The following RALGAPA1 variants were observed in gnomAD, a reference collection of about 807,000 sequenced individuals.
RALGAPA1 encodes the protein ral GTPase-activating protein subunit alpha-1.
A neutral mutation model predicts 269.6 loss-of-function variants in RALGAPA1; 52 were observed. The observed-to-expected ratio is 0.19, with a 90% CI of 0.15 to 0.24. The LOEUF (loss-of-function observed/expected upper bound fraction) is 0.24, where lower values mean the gene tolerates loss of function less well. Among genes scored for constraint, RALGAPA1 ranks in the 10% least tolerant of loss-of-function variants. RALGAPA1 has a pLI of 1.00. For synonymous variants in RALGAPA1, 817 were observed against 1,008.3 expected, an observed-to-expected ratio of 0.81 and a Z score of 3.60; for missense variants, 1,917 against 3,013.9, an observed-to-expected ratio of 0.64 and a Z score of 8.52.
intron 35 of RALGAPA1, among the ~76,000 whole-genome samples, chr14:35,623,500 G>C (rs1356079162): frequency 1.3e-5 from 2 of 151,480 alleles, no homozygotes; most frequent in Admixed American, 6.6e-5. Flanking sequence ...ACTAGCAGAA[G>C]AGAAAAAAAA....
chr14:35,709,329 T>G (rs1171257723), intron 16 of RALGAPA1, among the ~76,000 whole-genome samples: 1 of 152,150 alleles, frequency 6.6e-6, no homozygotes, highest in African/African-American at 2.4e-5. Flanking sequence ...AAATATCTCA[T>G]GTACCCCATA....
At chr14:35,775,105 T>A in intron 2 of RALGAPA1, 50 bp from the exon 3 acceptor site, 2 of 1,023,494 alleles carry the variant, frequency 2.0e-6, no homozygotes, top group Non-Finnish European at 3.0e-6. Flanking sequence ...TTTGTCCTCA[T>A]AATGAACTTA....
intron 39 of RALGAPA1, among the ~76,000 whole-genome samples, chr14:35,560,415 C>T (rs2056098085): frequency 6.6e-6 from 1 of 152,144 alleles, no homozygotes; most frequent in African/African-American, 2.4e-5. Context: ...TCTTCCCTGA[C>T]CATATCTGTC....
chr14:35,571,094 T>C (rs973340926), intron 38 of RALGAPA1, among the ~76,000 whole-genome samples: 8 of 152,140 alleles, frequency 5.3e-5, no homozygotes, highest in Non-Finnish European at 8.8e-5. Flanking sequence ...AAAAGAAAAA[T>C]ATATACTTAT....
chr14:35,580,032 A>C (rs981917094), intron 37 of RALGAPA1, among the ~76,000 whole-genome samples: 3 of 152,244 alleles, frequency 2.0e-5, no homozygotes, highest in Non-Finnish European at 4.4e-5. Context: ...ACCAAGCAGC[A>C]CTACAAGGTT....
intron 3 of RALGAPA1, among the ~76,000 whole-genome samples, chr14:35,772,625 T>C (rs1343290030): frequency 6.6e-6 from 1 of 152,220 alleles, no homozygotes; most frequent in African/African-American, 2.4e-5. Flanking sequence ...AAATGAATGC[T>C]AATAAGGGCC....
At position 35,748,711 on chromosome 14, in the gene RALGAPA1, C is replaced by T. The variant is rs745636818; in HGVS notation, c.1125G>A (p.Glu375=). The T allele has an allele frequency of 2.5e-6, 4 of 1,613,330 alleles. No individual in the cohort carries two copies. Among genetic ancestry groups the T allele is most frequent in the Non-Finnish European group, 1.7e-6 (2 of 1,179,818 alleles). The change falls in exon 10 of 42, where the codon GAG becomes GAA. Residue 375 remains glutamate (E), a synonymous_variant. Transcript: ENST00000680220. ...AGAGACTAGATGAGCTAGGTTCTCG[C>T]TCCGTGAGAGTGCTTGTATTGGAAT... ...QSHSNTSTLT[E]REPSSSSLCS... is the part of the protein sequence containing the mutation.
chr14:35,591,299 T>C (rs1206743551), intron 37 of RALGAPA1, among the ~76,000 whole-genome samples: 1 of 150,132 alleles, frequency 6.7e-6, no homozygotes, highest in African/African-American at 2.4e-5. Context: ...TATGTATGTA[T>C]GTATGTATGT....
rs1594517211 is a variant in RALGAPA1 at position 35,548,877 on chromosome 14, G to A, written c.7621+233C>T. ...AAGATGCAAGAGTCATTGAATATTAGCTCATATAAAATGTGGTACATGTAC... is the reference window on the plus strand; with the variant it reads ...AAGATGCAAGAGTCATTGAATATTAACTCATATAAAATGTGGTACATGTAC... On this transcript the variant is annotated intron_variant, in intron 40 of 41. Coordinates refer to ENST00000680220, the MANE Select transcript of RALGAPA1 (RefSeq NM_001346249.2). Among the ~76,000 whole-genome samples, 4 of 152,190 alleles carry A rather than the reference G, an allele frequency of 2.6e-5. No individual in the cohort carries two copies. The South Asian group carries it at 8.3e-4, about 32-fold the overall frequency.
intron 26 of RALGAPA1, among the ~76,000 whole-genome samples, chr14:35,665,189 A>G (rs1168245548): frequency 6.6e-6 from 1 of 152,232 alleles, no homozygotes; most frequent in Non-Finnish European, 1.5e-5. Flanking sequence ...CATTAACTAT[A>G]TGAAAGAGGA....
chr14:35,649,655 G>A (rs2139979250), intron 31 of RALGAPA1, among the ~76,000 whole-genome samples: 1 of 152,140 alleles, frequency 6.6e-6, no homozygotes, highest in South Asian at 2.1e-4. Context: ...CTCTATTTAT[G>A]TCTCTATTTA....
chr14:35,631,029 A>G (rs1594893082), intron 33 of RALGAPA1, among the ~76,000 whole-genome samples: 1 of 152,194 alleles, frequency 6.6e-6, no homozygotes, highest in Admixed American at 6.5e-5. Context: ...TAAGAATGTA[A>G]GGAAAGTAAA....
intron 35 of RALGAPA1, among the ~76,000 whole-genome samples, chr14:35,614,689 T>C (rs545970683): frequency 6.6e-6 from 1 of 152,240 alleles, no homozygotes; most frequent in East Asian, 1.9e-4. Context: ...TTTAAATGAA[T>C]TAACTGTATT....
At chr14:35,749,751 A>T (rs1595421069) in intron 9 of RALGAPA1, among the ~76,000 whole-genome samples, 1 of 152,274 alleles carries the variant, frequency 6.6e-6, no homozygotes, top group African/African-American at 2.4e-5. Flanking sequence ...ACTAAGAGGA[A>T]TAAAAGTCAA....
Position 35,721,001 on chromosome 14 carries a change from G to A in RALGAPA1, c.2266+687C>T, listed in dbSNP as rs77180901. Among the ~76,000 whole-genome samples the A allele has an allele frequency of 4.4e-3, 665 of 152,252 alleles. 25 individuals are homozygous for A. In the East Asian group the frequency reaches 0.081, roughly 19 times the overall value. ...TCAAAGAGAGTAAGAAAAGAGATTA[G>A]GAAAAAGCCCTCCTTATTTCTCATT... On this transcript the variant is annotated intron_variant, in intron 16 of 41. Transcript: ENST00000680220.
chr14:35,560,213 C>T (rs2056071713), intron 39 of RALGAPA1, among the ~76,000 whole-genome samples: 1 of 152,196 alleles, frequency 6.6e-6, no homozygotes, highest in African/African-American at 2.4e-5. Context: ...ATAAAACAAT[C>T]AGTAGCATTA....
At position 35,674,284 on chromosome 14, in the gene RALGAPA1, A is replaced by G. The variant is rs370205462; in HGVS notation, c.4819-6T>C. On this transcript the variant is annotated splice_polypyrimidine_tract_variant and splice_region_variant and intron_variant, in intron 23 of 41. Coordinates refer to ENST00000680220, the MANE Select transcript of RALGAPA1 (RefSeq NM_001346249.2). ...ATGCCAAGGTTATCTCTAATCTGTA[A>G]TTTTCAAATAAAAAGCAACAAACCT... 6.9e-6 allele frequency: 11 copies of G among 1,596,098 alleles called. No homozygotes were observed. The highest frequency in any genetic ancestry group is 9.4e-6 in the Non-Finnish European group (11 of 1,170,464).
chr14:35,747,933 T>C (rs1169493322), intron 10 of RALGAPA1, among the ~76,000 whole-genome samples: 3 of 152,058 alleles, frequency 2.0e-5, no homozygotes, highest in African/African-American at 7.2e-5. Context: ...GAAATATCTG[T>C]CTTAATCAAC....
intron 4 of RALGAPA1, 66 bp from the exon 5 acceptor site, chr14:35,762,819 C>A: frequency 9.8e-7 from 1 of 1,016,984 alleles, no homozygotes. Flanking sequence ...AGTTCTCGGT[C>A]GGACTTGAAA....
Sources: allele counts gnomAD v4.1 joint callset (sites outside exome capture counted in the v4.1 genomes callset), GRCh38; gene constraint gnomAD v4.1.1; transcripts MANE v1.5; gene names NCBI Gene and HGNC (gene_info 2026-07-23, HGNC 2026-07-21).